The following EFR3A variants were observed in gnomAD, a reference collection of about 807,000 sequenced individuals.
The protein encoded by EFR3A is protein EFR3 homolog A.
EFR3A carries 76 observed loss-of-function variants against 104.4 expected under a neutral mutation model. The ratio of observed to expected loss-of-function variants is 0.73; its 90% CI spans 0.60 to 0.88. The LOEUF (loss-of-function observed/expected upper bound fraction) is 0.88, where lower values mean the gene tolerates loss of function less well. Among genes scored for constraint, EFR3A ranks in the 40% least tolerant of loss-of-function variants. The pLI, the probability that EFR3A is intolerant of heterozygous loss-of-function variation, is 0.00. For synonymous variants in EFR3A, 330 were observed against 330.0 expected (o/e 1.00, Z 0.00); for missense variants, 985 against 1,012.5 (o/e 0.97, Z 0.37).
intron 22 of EFR3A, among the ~76,000 whole-genome samples, chr8:132,004,475 T>C (rs978241789): frequency 6.6e-6 from 1 of 152,214 alleles, no homozygotes; most frequent in Non-Finnish European, 1.5e-5. Context: ...CCTGATGATC[T>C]GAGGTGGATC....
Position 131,936,790 on chromosome 8 carries a change from A to T in EFR3A, c.11-3709A>T, listed in dbSNP as rs188254149. ...AGGTCCAAGTATGGGAGAAGGAGTGAGGAGCTTCCATATATATTTGCTCCA... is the reference window on the plus strand; with the variant it reads ...AGGTCCAAGTATGGGAGAAGGAGTGTGGAGCTTCCATATATATTTGCTCCA... On this transcript the variant is annotated intron_variant, in intron 1 of 22. Transcript: ENST00000254624. Among the ~76,000 whole-genome samples the T allele has an allele frequency of 7.9e-5, 12 of 152,246 alleles. No homozygotes were observed. The East Asian group carries it at 2.1e-3, about 27-fold the overall frequency.
At chr8:131,927,142 G>A (rs184328176) in intron 1 of EFR3A, among the ~76,000 whole-genome samples, 2 of 152,244 alleles carry the variant, frequency 1.3e-5, no homozygotes, top group African/African-American at 4.8e-5. Context: ...TAACCCAAAT[G>A]GTAATGGTTG....
intron 1 of EFR3A, among the ~76,000 whole-genome samples, chr8:131,905,514 G>A (rs911397794): frequency 6.6e-6 from 1 of 152,100 alleles, no homozygotes; most frequent in Non-Finnish European, 1.5e-5. Flanking sequence ...TCCTGATGTA[G>A]AGATTACTTT....
At chr8:131,931,390 T>G (rs750310669) in intron 1 of EFR3A, among the ~76,000 whole-genome samples, 34 of 152,184 alleles carry the variant, frequency 2.2e-4, no homozygotes, top group Non-Finnish European at 3.4e-4. Context: ...GTGTTAATGT[T>G]AAACGTTTGA....
At position 131,953,811 on chromosome 8, in the gene EFR3A, T is replaced by TTTTTTTTG; in HGVS notation, c.489-5_489-4insTTTTTGTT. The TTTTTTTTG allele has an allele frequency of 6.7e-7, 1 of 1,498,012 alleles. No homozygotes were observed. 92.8% of individuals were successfully genotyped at this position (1,498,012 alleles called of 1,614,324 possible). A position where few individuals can be genotyped will look rare whatever the true frequency, so the allele number is the denominator to read the frequency against. On this transcript the variant is annotated splice_polypyrimidine_tract_variant and splice_region_variant and intron_variant, in intron 5 of 22. Coordinates refer to ENST00000254624, the MANE Select transcript of EFR3A (RefSeq NM_015137.6). ...CTCATTTTCTTCCTTTTTTTTTTTT[T>TTTTTTTTG]TTATAGGATACGAATTGCTGGAATT...
intron 1 of EFR3A, among the ~76,000 whole-genome samples, chr8:131,921,106 G>A: frequency 6.6e-6 from 1 of 152,142 alleles, no homozygotes; most frequent in South Asian, 2.1e-4. Context: ...AGAATTTGGT[G>A]TATTAGTTTG....
Position 131,953,943 on chromosome 8 carries a change from T to A in EFR3A, c.614T>A (p.Met205Lys). 6.4e-7 allele frequency: 1 copy of A among 1,555,506 alleles called. No homozygotes were observed. Among genetic ancestry groups the A allele is most frequent in the Non-Finnish European group, 8.7e-7 (1 of 1,150,362 alleles). ...ATTGTTCCATCCCTCCTGTTTAACA[T>A]GCAAAAGATAGAAGAAGTTGACAGG... is the stretch of plus-strand genomic sequence containing the variant. ...DKIVPSLLFN[M>K]QKIEEVDSRI... The change falls in exon 6 of 23, where the codon ATG becomes AAG. Residue 205 changes from methionine (M) to lysine (K), a missense_variant. Met to Lys is a moderately conservative substitution (Grantham distance 95). Coordinates refer to ENST00000254624, the MANE Select transcript of EFR3A (RefSeq NM_015137.6).
At chr8:131,968,524 T>A in intron 9 of EFR3A, 94 bp downstream of exon 9, 1 of 1,235,136 alleles carries the variant, frequency 8.1e-7, no homozygotes, top group South Asian at 2.1e-5. Flanking sequence ...TCTTTAAGAA[T>A]ATTTCTACAC....
intron 8 of EFR3A, among the ~76,000 whole-genome samples, chr8:131,964,088 G>A (rs570805363): frequency 3.7e-4 from 57 of 152,192 alleles, no homozygotes; most frequent in African/African-American, 1.2e-3. Context: ...AATAAGAGCT[G>A]TCTATGACAA....
At chr8:132,001,734 G>A (rs373951430) in intron 19 of EFR3A, 25 bp from the exon 20 acceptor site, 255 of 1,605,806 alleles carry the variant, frequency 1.6e-4, no homozygotes, top group African/African-American at 1.0e-3. Context: ...TTTAACTCTC[G>A]ATTTCACTTA....
intron 10 of EFR3A, among the ~76,000 whole-genome samples, chr8:131,974,016 C>A (rs1240449971): frequency 6.6e-6 from 1 of 152,114 alleles, no homozygotes; most frequent in Non-Finnish European, 1.5e-5. Flanking sequence ...ATAGTGGACT[C>A]AGTTGACCAT....
intron 14 of EFR3A, among the ~76,000 whole-genome samples, chr8:131,983,130 G>A (rs748823403): frequency 6.6e-6 from 1 of 152,164 alleles, no homozygotes; most frequent in African/African-American, 2.4e-5. Context: ...TTCTCGCCCA[G>A]TTTCTTCTCC....
chr8:131,971,866 AT>A (rs1820073204), intron 10 of EFR3A, among the ~76,000 whole-genome samples: 1 of 152,112 alleles, frequency 6.6e-6, no homozygotes, highest in Non-Finnish European at 1.5e-5. Flanking sequence ...AGTTTTTTCC[AT>A]TGCAAATAAT....
rs1250526600 is a variant in EFR3A at position 131,987,722 on chromosome 8, A to G, written c.2065+20A>G. On this transcript the variant is annotated intron_variant, in intron 18 of 22. Coordinates refer to ENST00000254624, the MANE Select transcript of EFR3A (RefSeq NM_015137.6). ...TAACAGGTAAGAGGAGGATAATTAG[A>G]ACTTTCACTCTGGTGATTGCTTATG... 6.4e-7 allele frequency: 1 copy of G among 1,567,184 alleles called. No individual in the cohort carries two copies. The highest frequency in any genetic ancestry group is 2.0e-5 in the Admixed American group (1 of 51,162).
intron 1 of EFR3A, among the ~76,000 whole-genome samples, chr8:131,936,714 T>A (rs1301791572): frequency 6.6e-6 from 1 of 152,074 alleles, no homozygotes; most frequent in Non-Finnish European, 1.5e-5. Flanking sequence ...CAGTTTATTA[T>A]AAAGGCTATT....
At chr8:131,974,063 A>G (rs1411011940) in intron 10 of EFR3A, among the ~76,000 whole-genome samples, 1 of 152,146 alleles carries the variant, frequency 6.6e-6, no homozygotes, top group Admixed American at 6.5e-5. Flanking sequence ...TTTCCTTAGG[A>G]CAGTGGTTCT....
At chr8:132,003,446 G>A (rs1317683998) in intron 22 of EFR3A, among the ~76,000 whole-genome samples, 161 bp downstream of exon 22, 2 of 152,160 alleles carry the variant, frequency 1.3e-5, no homozygotes, top group East Asian at 1.9e-4. Flanking sequence ...TTGCTTAATA[G>A]TGATTCTGTT....
chr8:131,976,256 T>C, intron 11 of EFR3A, 115 bp downstream of exon 11: 1 of 701,640 alleles, frequency 1.4e-6, no homozygotes, highest in Non-Finnish European at 2.4e-6. Flanking sequence ...ATAGCATTCC[T>C]ATGGAAAGCA....
Position 131,954,832 on chromosome 8 carries a change from A to G in EFR3A, c.638+865A>G, listed in dbSNP as rs186323467. Among the ~76,000 whole-genome samples, 17 of 152,100 alleles carry G rather than the reference A, an allele frequency of 1.1e-4. No individual in the cohort carries two copies. In the East Asian group the frequency reaches 2.7e-3, roughly 24 times the overall value. On this transcript the variant is annotated intron_variant, in intron 6 of 22. Coordinates refer to ENST00000254624, the MANE Select transcript of EFR3A (RefSeq NM_015137.6). The stretch of plus-strand genomic sequence containing the variant: ...TTTTATTTATGATTTTAGTGATTAT[A>G]TGTGTAATAGCAGCATAAAAGTAGT...
Sources: gnomAD v4.1 joint callset for allele counts (sites outside exome capture counted in the v4.1 genomes callset) on GRCh38, gnomAD v4.1.1 for gene constraint, MANE v1.5 for transcripts, NCBI Gene and HGNC (gene_info 2026-07-23, HGNC 2026-07-21) for gene names.